The following PCNX2 variants were observed in gnomAD, a reference collection of about 807,000 sequenced individuals.
The protein encoded by PCNX2 is pecanex 2.
A neutral mutation model predicts 223.8 loss-of-function variants in PCNX2; 168 were observed. The observed-to-expected ratio is 0.75, with a 90% CI of 0.66 to 0.85. PCNX2 has a LOEUF of 0.85. Ranked by LOEUF, PCNX2 falls within the 40% of genes least tolerant of loss-of-function variation. PCNX2 has a pLI of 0.00. For missense variants in PCNX2, 2,507 were observed against 2,675.5 expected, an observed-to-expected ratio of 0.94 and a Z score of 1.39; for synonymous variants, 1,006 against 1,052.6, an observed-to-expected ratio of 0.96 and a Z score of 0.86.
chr1:233,067,151 T>C (rs151324902), intron 23 of PCNX2, among the ~76,000 whole-genome samples: 1 of 151,756 alleles, frequency 6.6e-6, no homozygotes, highest in Non-Finnish European at 1.5e-5. Context: ...CAGAGGCTCA[T>C]AATACATAAT....
At chr1:233,088,307 A>C (rs538815597) in intron 23 of PCNX2, among the ~76,000 whole-genome samples, 21 of 152,204 alleles carry the variant, frequency 1.4e-4, no homozygotes, top group Non-Finnish European at 2.6e-4. Flanking sequence ...GGAGGCAAAA[A>C]GAAATCTTTT....
intron 23 of PCNX2, chr1:233,087,184 T>C (rs1572089976): frequency 5.1e-6 from 5 of 985,358 alleles, no homozygotes; most frequent in Non-Finnish European, 4.8e-6. Context: ...GCAGCTCTCA[T>C]TAGAGACCTG....
intron 1 of PCNX2, among the ~76,000 whole-genome samples, chr1:233,265,898 C>T (rs545158504): frequency 1.0e-3 from 158 of 152,254 alleles, no homozygotes; most frequent in African/African-American, 3.7e-3. Context: ...AGAGATATTG[C>T]TTTTCAGTTT....
the PCNX2 span, among the ~76,000 whole-genome samples, chr1:233,327,195 C>T: frequency 1.3e-5 from 2 of 152,202 alleles, no homozygotes; most frequent in Admixed American, 6.5e-5. Flanking sequence ...TCTCCCACCG[C>T]TTCTTGGAGA....
At chr1:233,151,724 G>C (rs936511228) in intron 19 of PCNX2, among the ~76,000 whole-genome samples, 1 of 152,126 alleles carries the variant, frequency 6.6e-6, no homozygotes, top group Admixed American at 6.5e-5. Context: ...GCCCAGGCTG[G>C]AGTGCAATGG....
intron 23 of PCNX2, 67 bp from the exon 24 acceptor site, chr1:233,057,357 A>G (rs1672231849): frequency 7.9e-7 from 1 of 1,267,570 alleles, no homozygotes; most frequent in Admixed American, 1.9e-5. Flanking sequence ...GTTGGTTTAT[A>G]GAACCAGCTG....
rs1222899357 is a variant in PCNX2, at chr1:233,259,130, C to G, written c.732G>C (p.Glu244Asp). Reference protein sequence around the residue: ...KGQPPLRHRSEGGLVDKGPLK... With the variant: ...KGQPPLRHRSDGGLVDKGPLK... ...AGGGTCCCTTATCCACTAAGCCACC[C>G]TCGGATCTGTGGCGCAAAGGAGGCT... The change falls in exon 5 of 34, where the codon GAG becomes GAC. Residue 244 changes from glutamate to aspartate, a missense_variant. Transcript: ENST00000258229. The G allele has an allele frequency of 6.2e-7, 1 of 1,613,998 alleles. No individual in the cohort carries two copies. Among genetic ancestry groups the G allele is most frequent in the Admixed American group, 1.7e-5 (1 of 60,022 alleles).
chr1:233,088,973 C>G (rs1558218985), intron 23 of PCNX2, among the ~76,000 whole-genome samples: 3 of 152,122 alleles, frequency 2.0e-5, no homozygotes, highest in Non-Finnish European at 2.9e-5. Context: ...GAAAAGGAGG[C>G]CTGAAATTAT....
chr1:232,992,178 A>C (rs1669726450), intron 32 of PCNX2, among the ~76,000 whole-genome samples: 1 of 152,100 alleles, frequency 6.6e-6, no homozygotes, highest in African/African-American at 2.4e-5. Context: ...CTGGGGATAA[A>C]AGCCTTGGCA....
rs1657804367 is a variant in PCNX2 at position 233,227,383 on chromosome 1, C to T, written c.2359-12G>A. On this transcript the variant is annotated splice_polypyrimidine_tract_variant and intron_variant, in intron 9 of 33. Transcript: ENST00000258229. ...TCCTGACTCACATGCTTTTAGATAC[C>T]AAAAGAAACAACAGAAAAAAGGGCT... The T allele has an allele frequency of 1.2e-6, 2 of 1,605,114 alleles. No homozygotes were observed. The highest frequency in any genetic ancestry group is 2.2e-5 in the East Asian group (1 of 44,634).
At chr1:233,302,978 A>C in the PCNX2 span, among the ~76,000 whole-genome samples, 1 of 152,164 alleles carries the variant, frequency 6.6e-6, no homozygotes, top group African/African-American at 2.4e-5. Flanking sequence ...CTAAAAGTGC[A>C]GTATTCTGTA....
intron 19 of PCNX2, among the ~76,000 whole-genome samples, chr1:233,143,315 G>A (rs912412391): frequency 3.9e-5 from 6 of 152,186 alleles, no homozygotes; most frequent in Non-Finnish European, 8.8e-5. Context: ...CCTAAATGGT[G>A]ATTCTCAAAC....
chr1:233,195,981 G>C (rs1269198457), intron 15 of PCNX2, among the ~76,000 whole-genome samples: 1 of 152,028 alleles, frequency 6.6e-6, no homozygotes, highest in East Asian at 1.9e-4. Context: ...TTTTGAAAAA[G>C]AAGAATAAAA....
chr1:233,259,607 A>G (rs1460647225), intron 4 of PCNX2, among the ~76,000 whole-genome samples: 1 of 152,050 alleles, frequency 6.6e-6, no homozygotes, highest in Admixed American at 6.6e-5. Context: ...TATTTGTCCT[A>G]ATGCTATCTC....
chr1:233,241,781 G>A (rs1259905347), intron 8 of PCNX2, among the ~76,000 whole-genome samples: 1 of 152,174 alleles, frequency 6.6e-6, no homozygotes, highest in East Asian at 1.9e-4. Context: ...CTAATATCGA[G>A]AGAAGTCACA....
chr1:233,300,754 A>T, the PCNX2 span, among the ~76,000 whole-genome samples: 2 of 152,166 alleles, frequency 1.3e-5, no homozygotes, highest in African/African-American at 4.8e-5. Flanking sequence ...CCTCATGAGC[A>T]TGTGAAGCAG....
At chr1:233,297,360 A>G (rs760045043), upstream of PCNX2, among the ~76,000 whole-genome samples, 5 of 152,206 alleles carry the variant, frequency 3.3e-5, no homozygotes, top group Non-Finnish European at 7.3e-5. Flanking sequence ...GAGTTAATAA[A>G]CCACAAGAGG....
At chr1:233,316,513 T>C in the PCNX2 span, among the ~76,000 whole-genome samples, 2 of 152,226 alleles carry the variant, frequency 1.3e-5, no homozygotes, top group Non-Finnish European at 2.9e-5. Context: ...AAAAGGCTAA[T>C]TTACAAGCTC....
chr1:233,071,116 A>G (rs1338461052), intron 23 of PCNX2, among the ~76,000 whole-genome samples: 1 of 152,224 alleles, frequency 6.6e-6, no homozygotes, highest in African/African-American at 2.4e-5. Flanking sequence ...ACTTCCCCAT[A>G]AGATTGGGAA....
Sources: allele counts gnomAD v4.1 joint callset (sites outside exome capture counted in the v4.1 genomes callset), GRCh38; gene constraint gnomAD v4.1.1; transcripts MANE v1.5; gene names NCBI Gene and HGNC (gene_info 2026-07-23, HGNC 2026-07-21).